The following FGGY variants were observed in gnomAD, a reference collection of about 807,000 sequenced individuals.
FGGY encodes the protein FGGY carbohydrate kinase domain-containing protein.
In FGGY, 72 loss-of-function variants were observed where a neutral mutation model predicts 71.3. The observed-to-expected ratio is 1.01, with a 90% CI of 0.84 to 1.23. The LOEUF (loss-of-function observed/expected upper bound fraction) is 1.23. FGGY is among the 50% of genes most tolerant of loss of function. FGGY has a pLI of 0.00. For synonymous variants in FGGY, 251 were observed against 250.3 expected (o/e 1.00, Z -0.02); for missense variants, 668 against 682.3 (o/e 0.98, Z 0.23).
intron 14 of FGGY, among the ~76,000 whole-genome samples, chr1:59,691,853 G>A (rs918798135): frequency 6.6e-6 from 1 of 151,972 alleles, no homozygotes; most frequent in Non-Finnish European, 1.5e-5. Flanking sequence ...AAAGATGAAG[G>A]CCTCACTTAC....
chr1:59,662,523 A>T (rs1035703785), intron 12 of FGGY, among the ~76,000 whole-genome samples: 43 of 152,270 alleles, frequency 2.8e-4, no homozygotes, highest in African/African-American at 9.4e-4. Flanking sequence ...GCATTCTAAA[A>T]CAAAATTAGA....
chr1:59,320,939 A>G (rs988720861), intron 1 of FGGY, among the ~76,000 whole-genome samples: 2 of 152,212 alleles, frequency 1.3e-5, no homozygotes, highest in African/African-American at 4.8e-5. Flanking sequence ...ATTTATGAGT[A>G]GACCTAGCTA....
At chr1:59,581,584 C>T (rs753642223) in intron 8 of FGGY, among the ~76,000 whole-genome samples, 9 of 149,970 alleles carry the variant, frequency 6.0e-5, no homozygotes, top group Non-Finnish European at 1.3e-4. Flanking sequence ...CAAAGACTAG[C>T]ATATAATAGA....
intron 14 of FGGY, among the ~76,000 whole-genome samples, chr1:59,719,679 T>A (rs1175159297): frequency 6.6e-6 from 1 of 152,216 alleles, no homozygotes; most frequent in Non-Finnish European, 1.5e-5. Context: ...AAATATGGGA[T>A]GTATAATTAT....
At chr1:59,392,997 A>G (rs1371254270) in intron 5 of FGGY, among the ~76,000 whole-genome samples, 4 of 152,210 alleles carry the variant, frequency 2.6e-5, no homozygotes, top group Admixed American at 2.6e-4. Flanking sequence ...CACTCTTGCC[A>G]GGCTTTCTAA....
At chr1:59,528,415 AC>A (rs1463372572) in intron 7 of FGGY, among the ~76,000 whole-genome samples, 1 of 152,138 alleles carries the variant, frequency 6.6e-6, no homozygotes, top group Non-Finnish European at 1.5e-5. Flanking sequence ...AACAGAGAGA[AC>A]CTTGGTCTGT....
intron 8 of FGGY, among the ~76,000 whole-genome samples, chr1:59,579,705 C>T (rs376252786): frequency 3.9e-5 from 6 of 152,200 alleles, no homozygotes; most frequent in African/African-American, 1.4e-4. Context: ...TTTATTGACA[C>T]AGTCTCCTGA....
rs570191070 is a variant in FGGY, at chr1:59,515,918, A to G, written c.799+3479A>G. On this transcript the variant is annotated intron_variant, in intron 7 of 15. Coordinates refer to ENST00000303721, the MANE Select transcript of FGGY (RefSeq NM_018291.5). ...ATATTTTTGTTAGTGGAAAGATAGAATAGTTTTTTTTTGTTTTAATGGAAA... is the reference window on the plus strand; with the variant it reads ...ATATTTTTGTTAGTGGAAAGATAGAGTAGTTTTTTTTTGTTTTAATGGAAA... Among the ~76,000 whole-genome samples the G allele has an allele frequency of 4.6e-5, 7 of 152,266 alleles. No individual in the cohort carries two copies. The South Asian group carries it at 8.3e-4, about 18-fold the overall frequency.
At chr1:59,363,972 A>G (rs2056098448) in intron 4 of FGGY, among the ~76,000 whole-genome samples, 1 of 152,192 alleles carries the variant, frequency 6.6e-6, no homozygotes, top group Non-Finnish European at 1.5e-5. Context: ...GTAAATGAAC[A>G]AGTAAGGATG....
At chr1:59,467,064 G>T (rs1379754697) in intron 6 of FGGY, among the ~76,000 whole-genome samples, 2 of 152,008 alleles carry the variant, frequency 1.3e-5, no homozygotes, top group African/African-American at 4.8e-5. Flanking sequence ...ATTTTTATTG[G>T]GGCACTATTC....
chr1:59,355,089 C>T (rs1432609418), intron 4 of FGGY, among the ~76,000 whole-genome samples: 1 of 152,152 alleles, frequency 6.6e-6, no homozygotes, highest in Non-Finnish European at 1.5e-5. Flanking sequence ...ATTCCAAGAT[C>T]AGTGGGAAAT....
At chr1:59,627,825 C>G (rs1480664150) in intron 10 of FGGY, among the ~76,000 whole-genome samples, 6 of 152,018 alleles carry the variant, frequency 3.9e-5, no homozygotes, top group African/African-American at 2.4e-5. Context: ...CAGTGGCCTA[C>G]TCAGGATAAA....
intron 14 of FGGY, among the ~76,000 whole-genome samples, chr1:59,701,984 C>CA (rs2097713298): frequency 6.6e-6 from 1 of 151,790 alleles, no homozygotes. Context: ...AGTTTAAAAA[C>CA]AAAAAAAGGT....
chr1:59,602,792 G>T (rs1231913447), intron 8 of FGGY, among the ~76,000 whole-genome samples: 1 of 152,028 alleles, frequency 6.6e-6, no homozygotes, highest in Non-Finnish European at 1.5e-5. Context: ...CTTCCTTTGG[G>T]CTCGTACTGC....
chr1:59,539,144 A>T (rs1400240523), intron 7 of FGGY, among the ~76,000 whole-genome samples: 1 of 152,194 alleles, frequency 6.6e-6, no homozygotes, highest in Admixed American at 6.5e-5. Context: ...AAATCGAGGG[A>T]TATATGATGT....
At chr1:59,398,754 T>C (rs2061606557) in intron 5 of FGGY, among the ~76,000 whole-genome samples, 1 of 152,188 alleles carries the variant, frequency 6.6e-6, no homozygotes, top group African/African-American at 2.4e-5. Flanking sequence ...TTGATTATAC[T>C]AGAACCTCAT....
At chr1:59,485,239 C>G (rs993349261) in intron 6 of FGGY, among the ~76,000 whole-genome samples, 2 of 152,186 alleles carry the variant, frequency 1.3e-5, no homozygotes, top group African/African-American at 4.8e-5. Context: ...AAAACTTAGG[C>G]TTTTAGGGTA....
At chr1:59,540,235 C>T (rs2095418885) in intron 7 of FGGY, among the ~76,000 whole-genome samples, 1 of 152,128 alleles carries the variant, frequency 6.6e-6, no homozygotes, top group African/African-American at 2.4e-5. Context: ...CAGTCCTATT[C>T]TTAGACATAT....
At chr1:59,475,618 C>CTCTTACACCT (rs1553233582) in intron 6 of FGGY, among the ~76,000 whole-genome samples, 3 of 152,216 alleles carry the variant, frequency 2.0e-5, no homozygotes, top group Non-Finnish European at 4.4e-5. Flanking sequence ...GGACCCAAAC[C>CTCTTACACCT]TAGAAGTCAT....
Sources: allele counts gnomAD v4.1 joint callset (sites outside exome capture counted in the v4.1 genomes callset), GRCh38; gene constraint gnomAD v4.1.1; transcripts MANE v1.5; gene names NCBI Gene and HGNC (gene_info 2026-07-23, HGNC 2026-07-21).